The following TENM3 variants were observed in gnomAD, a reference collection of about 807,000 sequenced individuals.
The protein encoded by TENM3 is teneurin-3.
In TENM3, 63 loss-of-function variants were observed where a neutral mutation model predicts 255.1. That is an observed-to-expected ratio of 0.25 (90% CI 0.20 to 0.30). The LOEUF (loss-of-function observed/expected upper bound fraction) is 0.30. Among genes scored for constraint, TENM3 ranks in the 10% least tolerant of loss-of-function variants. The pLI, the probability that TENM3 is intolerant of heterozygous loss-of-function variation, is 1.00. For missense variants in TENM3, 2,929 were observed against 3,461.1 expected, an observed-to-expected ratio of 0.85 and a Z score of 3.86; for synonymous variants, 1,306 against 1,322.3, an observed-to-expected ratio of 0.99 and a Z score of 0.27.
At chr4:181,590,425 G>T in the TENM3 span, among the ~76,000 whole-genome samples, 2 of 152,152 alleles carry the variant, frequency 1.3e-5, no homozygotes, top group African/African-American at 2.4e-5. Flanking sequence ...TGGTCATCTT[G>T]GAACAGAAAG....
At chr4:181,923,582 C>A in the TENM3 span, among the ~76,000 whole-genome samples, 1 of 152,120 alleles carries the variant, frequency 6.6e-6, no homozygotes, top group African/African-American at 2.4e-5. Context: ...TATTAGCCCC[C>A]ACTATTAAAT....
chr4:181,741,968 A>G, the TENM3 span, among the ~76,000 whole-genome samples: 1 of 152,182 alleles, frequency 6.6e-6, no homozygotes, highest in Admixed American at 6.5e-5. Flanking sequence ...TCTGCACTTC[A>G]AATCAGAACA....
At chr4:182,149,099 A>G (rs1248564070) in intron 1 of TENM3, among the ~76,000 whole-genome samples, 1 of 152,038 alleles carries the variant, frequency 6.6e-6, no homozygotes, top group Non-Finnish European at 1.5e-5. Flanking sequence ...ACTTTCAGGA[A>G]GGAAAAAAAC....
intron 1 of TENM3, among the ~76,000 whole-genome samples, chr4:182,203,913 G>A (rs1754372799): frequency 6.6e-6 from 1 of 152,232 alleles, no homozygotes; most frequent in Non-Finnish European, 1.5e-5. Flanking sequence ...GCAGGGGAAT[G>A]ACAGAAAGAA....
intron 3 of TENM3, among the ~76,000 whole-genome samples, chr4:182,361,277 A>G (rs1445646776): frequency 6.6e-6 from 1 of 152,002 alleles, no homozygotes; most frequent in Non-Finnish European, 1.5e-5. Context: ...GCCTTGCTAG[A>G]TTGGGGAAGT....
chr4:182,079,223 G>C, the TENM3 span, among the ~76,000 whole-genome samples: 15 of 152,272 alleles, frequency 9.9e-5, no homozygotes, highest in African/African-American at 3.6e-4. Flanking sequence ...CCAGAGTCAA[G>C]AGTAAAGAGT....
chr4:181,562,152 T>A, the TENM3 span, among the ~76,000 whole-genome samples: 3 of 152,326 alleles, frequency 2.0e-5, no homozygotes, highest in East Asian at 5.8e-4. Flanking sequence ...GTTACTTAAT[T>A]AGTTTCTTTG....
At chr4:182,493,841 C>G (rs1251597473) in intron 3 of TENM3, among the ~76,000 whole-genome samples, 2 of 152,050 alleles carry the variant, frequency 1.3e-5, no homozygotes, top group Non-Finnish European at 2.9e-5. Flanking sequence ...AAGAAATTGT[C>G]ATTGATTCAC....
At chr4:182,500,599 G>A (rs1412092271) in intron 3 of TENM3, among the ~76,000 whole-genome samples, 1 of 148,806 alleles carries the variant, frequency 6.7e-6, no homozygotes, top group African/African-American at 2.5e-5. Context: ...ATCTGACTTA[G>A]GAATTTGTAT....
intron 1 of TENM3, among the ~76,000 whole-genome samples, chr4:182,294,698 T>C (rs1761352022): frequency 6.6e-6 from 1 of 152,358 alleles, no homozygotes; most frequent in African/African-American, 2.4e-5. Flanking sequence ...GCTGTACTAC[T>C]GACCACGGCT....
the TENM3 span, among the ~76,000 whole-genome samples, chr4:181,598,440 C>T: frequency 1.3e-5 from 2 of 152,098 alleles, no homozygotes; most frequent in Admixed American, 6.6e-5. Context: ...GAACAAAGCT[C>T]ATTTTTTCCC....
rs186281222 is a variant in TENM3, at chr4:182,434,617, C to T, written c.511+87688C>T. Among the ~76,000 whole-genome samples, 446 of 150,972 alleles carry T rather than the reference C, an allele frequency of 3.0e-3. 3 individuals are homozygous for T. Among genetic ancestry groups the T allele is most frequent in the African/African-American group, 9.4e-3 (387 of 41,060 alleles). On this transcript the variant is annotated intron_variant, in intron 3 of 27. Transcript: ENST00000511685. ...GGCAGAAGTTGCAGTGAGCCAAGAT[C>T]GCACCACTGCACTCCAGCCTGGGAG...
chr4:182,408,898 CA>C (rs570920940), intron 3 of TENM3, among the ~76,000 whole-genome samples: 75 of 152,192 alleles, frequency 4.9e-4, no homozygotes, highest in Non-Finnish European at 5.1e-4. Context: ...TCAGTGTGAG[CA>C]TTAATTCAAG....
At chr4:181,828,184 C>T in the TENM3 span, among the ~76,000 whole-genome samples, 1 of 152,136 alleles carries the variant, frequency 6.6e-6, no homozygotes, top group Non-Finnish European at 1.5e-5. Context: ...CCAAGCTGCC[C>T]CTGCCACGTG....
chr4:181,545,793 A>C, the TENM3 span, among the ~76,000 whole-genome samples: 2 of 152,226 alleles, frequency 1.3e-5, no homozygotes, highest in Non-Finnish European at 2.9e-5. Flanking sequence ...TATTTTATGC[A>C]AATAGTCCTA....
At chr4:182,519,627 C>T (rs541160791) in intron 3 of TENM3, among the ~76,000 whole-genome samples, 1 of 152,298 alleles carries the variant, frequency 6.6e-6, no homozygotes, top group African/African-American at 2.4e-5. Context: ...AATTCCACTT[C>T]TATTTGCTTC....
At position 182,628,844 on chromosome 4, in the gene TENM3, G is replaced by T. The variant is rs770874892; in HGVS notation, c.943G>T (p.Val315Leu). Residue 315 changes from valine to leucine, a missense_variant, in exon 5 of 28, where the codon GTA becomes TTA. Physicochemically the swap from Val to Leu is conservative, Grantham distance 32. This residue lies in a region of TENM3 where 1,608 missense variants were observed against 1,884.4 expected (regional missense o/e 0.85). Coordinates refer to ENST00000511685, the MANE Select transcript of TENM3 (RefSeq NM_001080477.4). ...CSWKCTALCA[V>L]GVSVLLAILL... The stretch of plus-strand genomic sequence containing the variant: ...CTGGAAATGCACTGCACTGTGTGCC[G>T]TAGGGGTCTCGGTGCTCCTGGCAAT... 1.9e-6 allele frequency: 3 copies of T among 1,609,452 alleles called. No individual in the cohort carries two copies. The highest frequency in any genetic ancestry group is 1.7e-6 in the Non-Finnish European group (2 of 1,177,786).
intron 4 of TENM3, among the ~76,000 whole-genome samples, chr4:182,620,958 T>A (rs1208512856): frequency 6.6e-6 from 1 of 151,878 alleles, no homozygotes; most frequent in Non-Finnish European, 1.5e-5. Context: ...GGCGGGTGGA[T>A]CCCCTGAGGT....
At chr4:182,385,855 A>G (rs1454910615) in intron 3 of TENM3, among the ~76,000 whole-genome samples, 2 of 152,236 alleles carry the variant, frequency 1.3e-5, no homozygotes, top group Admixed American at 6.5e-5. Context: ...TTGGAAGAAT[A>G]CATTGCTATT....
Sources: allele counts gnomAD v4.1 joint callset (sites outside exome capture counted in the v4.1 genomes callset), GRCh38; gene constraint gnomAD v4.1.1; regional missense constraint gnomAD v4.1.1; transcripts MANE v1.5; gene names NCBI Gene and HGNC (gene_info 2026-07-23, HGNC 2026-07-21).